The following MROH1 variants were observed in gnomAD, a reference collection of about 807,000 sequenced individuals.
MROH1 encodes maestro heat like repeat family member 1.
A neutral mutation model predicts 116.5 loss-of-function variants in MROH1; 117 were observed. That is an observed-to-expected ratio of 1.00 (90% confidence interval 0.86 to 1.17). MROH1 has a LOEUF of 1.17. MROH1 is among the 50% of genes most tolerant of loss of function. MROH1 has a pLI of 0.00. For synonymous variants in MROH1, 921 were observed against 583.9 expected (o/e 1.58, Z -8.32); for missense variants, 1,873 against 1,338.5 (o/e 1.40, Z -6.23).
chr8:144,202,035 AG>A (rs1221692889), intron 12 of MROH1, among the ~76,000 whole-genome samples: 4 of 150,952 alleles, frequency 2.6e-5, no homozygotes, highest in Non-Finnish European at 1.5e-5. Flanking sequence ...AAAAAAAAAA[AG>A]AGAAAGCAGC....
At chr8:144,162,902 T>C (rs2130856790) in intron 2 of MROH1, among the ~76,000 whole-genome samples, 1 of 151,972 alleles carries the variant, frequency 6.6e-6, no homozygotes, top group South Asian at 2.1e-4. Flanking sequence ...TTTGTGTTTT[T>C]AGTAGAGACA....
chr8:144,217,558 A>G (rs1835540321), intron 12 of MROH1, among the ~76,000 whole-genome samples: 1 of 152,214 alleles, frequency 6.6e-6, no homozygotes, highest in African/African-American at 2.4e-5. Flanking sequence ...CACGGCAGTC[A>G]CTGACTCTCA....
chr8:144,238,981 T>A (rs1402686007), intron 15 of MROH1, 54 bp from the exon 16 acceptor site: 6 of 773,062 alleles, frequency 7.8e-6, no homozygotes, highest in African/African-American at 5.1e-5. Flanking sequence ...CAGGGCCCTG[T>A]CTGCATGGGA....
In MROH1 at chr8:144,255,032, G is replaced by C. The variant is rs1843451108; in HGVS notation, c.3594+54G>C. On this transcript the variant is annotated intron_variant, in intron 34 of 43. Coordinates refer to ENST00000326134, the MANE Select transcript of MROH1 (RefSeq NM_032450.3). ...CACGCTGTCCCTGCCCCGCTTGCCT[G>C]GGTGCCCGGGGGCAGGCCTTTTGAT... The C allele has an allele frequency of 5.7e-6, 4 of 697,392 alleles. No individual in the cohort carries two copies. In the Admixed American group the frequency reaches 8.2e-5, roughly 14 times the overall value. 43.2% of individuals were successfully genotyped at this position (697,392 alleles called of 1,614,324 possible).
In MROH1 at chr8:144,182,167, G is replaced by C. The variant is rs1045865259; in HGVS notation, c.562+1644G>C. 6.6e-6 allele frequency among the ~76,000 whole-genome samples: 1 copy of C among 152,246 alleles called. No homozygotes were observed. Among genetic ancestry groups the C allele is most frequent in the Non-Finnish European group, 1.5e-5 (1 of 68,044 alleles). Reference sequence around the variant, plus strand: ...TATCAACCGGGTGAGGCCTAGTGGTGGGGGCGGTGGCAGGCCTGCGTCCAC... The same window carrying C: ...TATCAACCGGGTGAGGCCTAGTGGTCGGGGCGGTGGCAGGCCTGCGTCCAC... On this transcript the variant is annotated intron_variant, in intron 7 of 43. Coordinates refer to ENST00000326134, the MANE Select transcript of MROH1 (RefSeq NM_032450.3). The surrounding 1 kb of genome is among the most constrained non-coding windows in gnomAD (Gnocchi z 4.1).
At chr8:144,230,962 G>GGCCTTC (rs1838768549) in intron 14 of MROH1, among the ~76,000 whole-genome samples, 1 of 142,126 alleles carries the variant, frequency 7.0e-6, no homozygotes, top group Non-Finnish European at 1.5e-5. Flanking sequence ...GCGGCCTTCC[G>GGCCTTC]CAGTGTTTGT....
At chr8:144,259,857 G>T in intron 37 of MROH1, 54 bp from the exon 38 acceptor site, 2 of 716,228 alleles carry the variant, frequency 2.8e-6, no homozygotes, top group South Asian at 3.0e-5. Flanking sequence ...TGGGCTGGTG[G>T]GTTGAGCCCT....
At chr8:144,167,844 G>C (rs1821330562) in intron 3 of MROH1, among the ~76,000 whole-genome samples, 1 of 152,158 alleles carries the variant, frequency 6.6e-6, no homozygotes, top group African/African-American at 2.4e-5. Context: ...TGGGCAATGG[G>C]GCCATGGGGA....
chr8:144,209,805 C>T (rs1018892816), intron 12 of MROH1, among the ~76,000 whole-genome samples: 30 of 148,642 alleles, frequency 2.0e-4, no homozygotes, highest in African/African-American at 7.4e-4. Context: ...ACTCTGGGGA[C>T]TGAGGTGAGA....
rs751271726 is a variant in MROH1 at position 144,180,558 on chromosome 8, G to A, written c.562+35G>A. 7.5e-6 allele frequency: 12 copies of A among 1,591,808 alleles called. No homozygotes were observed. In the South Asian group the frequency reaches 1.3e-4, roughly 18 times the overall value. On this transcript the variant is annotated intron_variant, in intron 7 of 43. Coordinates refer to ENST00000326134, the MANE Select transcript of MROH1 (RefSeq NM_032450.3). This position sits in a 1 kb window ranked among gnomAD's most constrained non-coding sequence, Gnocchi z 7.4. ...GGCCTCGTCACCTTCTGTCTCAAGT[G>A]CCCCTTTGTGGGGGGCTGTTCCCGG...
chr8:144,185,625 C>T (rs541436995), intron 7 of MROH1, among the ~76,000 whole-genome samples: 18 of 818 alleles, frequency 0.022, no homozygotes, highest in African/African-American at 0.071. Context: ...CCGCGGGGGG[C>T]GGTGAGGGCC....
At chr8:144,225,177 C>G (rs908156562) in intron 14 of MROH1, among the ~76,000 whole-genome samples, 1 of 152,010 alleles carries the variant, frequency 6.6e-6, no homozygotes, top group African/African-American at 2.4e-5. Context: ...TAGGTGGGAC[C>G]ACAGGCATGC....
At chr8:144,172,822 T>G (rs369209937) in intron 4 of MROH1, among the ~76,000 whole-genome samples, 9 of 152,246 alleles carry the variant, frequency 5.9e-5, no homozygotes, top group African/African-American at 2.2e-4. Context: ...ACACCTTCCA[T>G]GTATTGATTT....
rs374017373 is a variant in MROH1, at chr8:144,180,319, G to T, written c.442G>T (p.Ala148Ser). 5.0e-6 allele frequency: 8 copies of T among 1,606,484 alleles called. No homozygotes were observed. The highest frequency in any genetic ancestry group is 3.4e-6 in the Non-Finnish European group (4 of 1,179,340). Residue 148 changes from alanine to serine, a missense_variant, in exon 6 of 44, where the codon GCC (alanine) becomes TCC (serine). Coordinates refer to ENST00000326134, the MANE Select transcript of MROH1 (RefSeq NM_032450.3). This position sits in a 1 kb window ranked among gnomAD's most constrained non-coding sequence, Gnocchi z 7.4. ...LPHCAVLHTLASLSVANAFGV... is the reference protein window; with the variant it reads ...LPHCAVLHTLSSLSVANAFGV... Reference sequence around the variant, plus strand: ...ACACTGCGCCGTGCTGCACACCCTCGCCAGCCTCTCGGTGGCCAACGGTAG... The same window carrying T: ...ACACTGCGCCGTGCTGCACACCCTCTCCAGCCTCTCGGTGGCCAACGGTAG...
chr8:144,247,664 C>T lies in MROH1; in HGVS notation c.3105C>T (p.Cys1035=). ...HPDPAILFHT[C]HSVGQIIAKR... ...ACCCCGCCATTCTCTTCCACACCTG[C>T]CACAGTGTAGGCCAGGTACCAGCTG... Residue 1035 remains cysteine (C), a synonymous_variant, in exon 31 of 44, where the codon TGC becomes TGT. Coordinates refer to ENST00000326134, the MANE Select transcript of MROH1 (RefSeq NM_032450.3). The T allele has an allele frequency of 3.9e-6, 3 of 768,064 alleles. No individual in the cohort carries two copies. The South Asian group carries it at 4.1e-5, about 10-fold the overall frequency. The allele number at this position is 768,064 out of a possible 1,614,324, so 47.6% of individuals were successfully genotyped here. A position where few individuals can be genotyped will look rare whatever the true frequency, so the allele number is the denominator to read the frequency against.
At chr8:144,252,916 A>G (rs1030440463) in intron 33 of MROH1, among the ~76,000 whole-genome samples, 2 of 151,830 alleles carry the variant, frequency 1.3e-5, no homozygotes, top group African/African-American at 2.4e-5. Context: ...TGATTGGGCC[A>G]TTGCACTCCA....
intron 28 of MROH1, 135 bp downstream of exon 28, chr8:144,244,674 A>C (rs973969955): frequency 2.3e-4 from 154 of 673,274 alleles, no homozygotes; most frequent in Non-Finnish European, 3.7e-4. Context: ...TGGTTTATGA[A>C]CAGGCAGGTG....
chr8:144,258,163 C>T (rs1372355923), intron 35 of MROH1, among the ~76,000 whole-genome samples: 2 of 152,204 alleles, frequency 1.3e-5, no homozygotes, highest in Non-Finnish European at 2.9e-5. Context: ...GCCAGGGAGA[C>T]CAGAGGGCAA....
At chr8:144,214,254 C>T (rs1834796347) in intron 12 of MROH1, 1 of 152,336 alleles carries the variant, frequency 6.6e-6, no homozygotes, top group Admixed American at 6.6e-5. Flanking sequence ...TCAGAATAGC[C>T]CTTGGTGTTG....
Sources: allele counts gnomAD v4.1 joint callset (sites outside exome capture counted in the v4.1 genomes callset), GRCh38; gene constraint gnomAD v4.1.1; non-coding constraint Gnocchi (gnomAD v3.1); transcripts MANE v1.5; gene names NCBI Gene and HGNC (gene_info 2026-07-23, HGNC 2026-07-21).